The following KIF11 variants were observed in gnomAD, a reference collection of about 807,000 sequenced individuals.
KIF11 encodes the protein kinesin family member 11.
In KIF11, 9 loss-of-function variants were observed where a neutral mutation model predicts 121.0. That is an observed-to-expected ratio of 0.07 (90% CI 0.04 to 0.13). KIF11 has a LOEUF of 0.13. KIF11 is among the 10% of genes least tolerant of loss of function. The pLI is 1.00. For missense variants in KIF11, 846 were observed against 1,217.5 expected (o/e 0.69, Z 4.54); for synonymous variants, 408 against 421.0 (o/e 0.97, Z 0.38).
At chr10:92,646,806 G>A (rs368856453) in intron 18 of KIF11, among the ~76,000 whole-genome samples, 13 of 152,116 alleles carry the variant, frequency 8.5e-5, no homozygotes, top group East Asian at 7.7e-4. Flanking sequence ...GGGTAAAGAA[G>A]AAGAAAAAAT....
chr10:92,595,745 A>G (rs1328008409), intron 1 of KIF11, among the ~76,000 whole-genome samples: 1 of 152,076 alleles, frequency 6.6e-6, no homozygotes, highest in Non-Finnish European at 1.5e-5. Flanking sequence ...TCCCTCTCCC[A>G]TCAACCCGAC....
At chr10:92,652,836 C>T (rs112134712) in intron 21 of KIF11, among the ~76,000 whole-genome samples, 1 of 152,172 alleles carries the variant, frequency 6.6e-6, no homozygotes, top group Non-Finnish European at 1.5e-5. Flanking sequence ...TTTAGACCTT[C>T]AGCTGAAGTC....
At chr10:92,637,612 A>G in intron 16 of KIF11, 67 bp downstream of exon 16, 1 of 1,451,414 alleles carries the variant, frequency 6.9e-7, no homozygotes, top group Non-Finnish European at 9.4e-7. Context: ...ATGACTTGAT[A>G]ATTAATCTAT....
intron 10 of KIF11, among the ~76,000 whole-genome samples, chr10:92,626,721 C>T (rs923734942): frequency 2.0e-5 from 3 of 152,010 alleles, no homozygotes; most frequent in Non-Finnish European, 2.9e-5. Context: ...CAAATAATCC[C>T]GTTTTACATA....
intron 1 of KIF11, among the ~76,000 whole-genome samples, chr10:92,595,020 ATATT>A (rs1844278486): frequency 6.6e-6 from 1 of 152,146 alleles, no homozygotes; most frequent in African/African-American, 2.4e-5. Context: ...AGAGAAATAA[ATATT>A]TATTTTATTT....
chr10:92,633,070 T>TG (rs5787006), intron 13 of KIF11, among the ~76,000 whole-genome samples: 5,658 of 151,730 alleles, frequency 0.037, 160 homozygotes, highest in Admixed American at 0.063. Flanking sequence ...CAACTTTTTT[T>TG]GGGGGGGGCA....
rs1844516527 is a variant in KIF11 at position 92,613,294 on chromosome 10, T to C, written c.790-83T>C. 9.1e-7 allele frequency: 1 copy of C among 1,104,884 alleles called. No homozygotes were observed. The highest frequency in any genetic ancestry group is 1.6e-5 in the African/African-American group (1 of 62,792). The allele number at this position is 1,104,884 out of a possible 1,614,324, so 68.4% of individuals were successfully genotyped here. ...AAAAATTATTTTGCTGGCGATTTAA[T>C]ACATTATGTATCCTGTGAGAATGAA... is the stretch of plus-strand genomic sequence containing the variant. On this transcript the variant is annotated intron_variant, in intron 7 of 21. Coordinates refer to ENST00000260731, the MANE Select transcript of KIF11 (RefSeq NM_004523.4). The surrounding 1 kb of genome is among the most constrained non-coding windows in gnomAD (Gnocchi z 4.2).
intron 10 of KIF11, among the ~76,000 whole-genome samples, chr10:92,623,084 C>T (rs1338109783): frequency 1.3e-5 from 2 of 152,176 alleles, no homozygotes; most frequent in Non-Finnish European, 2.9e-5. Flanking sequence ...AGAACCAGAC[C>T]ATATCAAGAT....
intron 21 of KIF11, among the ~76,000 whole-genome samples, chr10:92,651,548 T>TTTTTTTTA (rs1844984273): frequency 8.5e-6 from 1 of 117,108 alleles, no homozygotes; most frequent in African/African-American, 3.5e-5. Context: ...TTTTTTTTTT[T>TTTTTTTTA]AGTAGAGGGG....
At position 92,613,579 on chromosome 10, in the gene KIF11, C is replaced by T. The variant is rs1193085293; in HGVS notation, c.992C>T (p.Ser331Phe). The change falls in exon 8 of 22, where the codon TCT (serine) becomes TTT (phenylalanine). Residue 331 changes from serine to phenylalanine, a missense_variant. By Grantham distance (155) the Ser-to-Phe change is radical. Transcript: ENST00000260731. This position sits in a 1 kb window ranked among gnomAD's most constrained non-coding sequence, Gnocchi z 4.2. ...TCTCTTGGAGGGCGTACAAGAACAT[C>T]TATAATTGCAACAATTTCTCCTGCA... is the stretch of plus-strand genomic sequence containing the variant. ...QDSLGGRTRT[S>F]IIATISPASL... is the part of the protein sequence containing the mutation. 1 of 1,613,336 alleles carries T rather than the reference C, an allele frequency of 6.2e-7. No homozygotes were observed. Among genetic ancestry groups the T allele is most frequent in the Middle Eastern group, 1.7e-4 (1 of 6,052 alleles).
At chr10:92,629,550 T>C (rs1844714301) in intron 11 of KIF11, among the ~76,000 whole-genome samples, 1 of 152,164 alleles carries the variant, frequency 6.6e-6, no homozygotes, top group Non-Finnish European at 1.5e-5. Context: ...AAAAGTAATA[T>C]AACTAGGGTA....
chr10:92,631,926 A>T (rs1844743166), intron 12 of KIF11, among the ~76,000 whole-genome samples: 1 of 151,794 alleles, frequency 6.6e-6, no homozygotes, highest in Non-Finnish European at 1.5e-5. Context: ...CCACCTGCCT[A>T]GGCCTCCCAG....
At chr10:92,645,031 C>T (rs1054332186) in intron 17 of KIF11, among the ~76,000 whole-genome samples, 2 of 152,120 alleles carry the variant, frequency 1.3e-5, no homozygotes, top group African/African-American at 2.4e-5. Flanking sequence ...AGGGACTAGA[C>T]AAGAGGCTGT....
At chr10:92,630,582 A>T (rs1238047703) in intron 12 of KIF11, among the ~76,000 whole-genome samples, 1 of 152,182 alleles carries the variant, frequency 6.6e-6, no homozygotes, top group Non-Finnish European at 1.5e-5. Context: ...ATAGAACATA[A>T]CTTAGCTGGG....
intron 12 of KIF11, 47 bp from the exon 13 acceptor site, chr10:92,632,439 C>G: frequency 1.7e-6 from 2 of 1,192,938 alleles, no homozygotes; most frequent in Non-Finnish European, 2.5e-6. Flanking sequence ...TCATCAGATT[C>G]CTTTCACCGT....
chr10:92,599,648 G>GTTTTC (rs1554858703), intron 1 of KIF11, among the ~76,000 whole-genome samples: 17,462 of 147,354 alleles, frequency 0.12, 2,804 homozygotes, highest in African/African-American at 0.36. Flanking sequence ...TAATTTTAGA[G>GTTTTC]TTTTCTTTTC....
At chr10:92,606,985 C>A (rs572431310) in intron 3 of KIF11, among the ~76,000 whole-genome samples, 174 bp from the exon 4 acceptor site, 1 of 152,270 alleles carries the variant, frequency 6.6e-6, no homozygotes, top group East Asian at 1.9e-4. Flanking sequence ...CTGTGTTGGC[C>A]AGGCTGGTCT....
intron 10 of KIF11, among the ~76,000 whole-genome samples, chr10:92,624,650 G>A (rs146705583): frequency 2.0e-5 from 3 of 152,260 alleles, no homozygotes; most frequent in Non-Finnish European, 4.4e-5. Flanking sequence ...CTTTGCTGCT[G>A]TGAATAGTGC....
rs1291104875 is a variant in KIF11, at chr10:92,618,068, T to C, written c.1128+1236T>C. On this transcript the variant is annotated intron_variant, in intron 9 of 21. Coordinates refer to ENST00000260731, the MANE Select transcript of KIF11 (RefSeq NM_004523.4). ...ATGGTTTTAATTAGCATTTCCCTAA[T>C]GACTAATGATGTTGAACATCTTTTC... Among the ~76,000 whole-genome samples, 2 of 152,174 alleles carry C rather than the reference T, an allele frequency of 1.3e-5. 1 individual carries two copies. The highest frequency in any genetic ancestry group is 2.9e-5 in the Non-Finnish European group (2 of 68,034).
Sources: gnomAD v4.1 joint callset for allele counts (sites outside exome capture counted in the v4.1 genomes callset) on GRCh38, gnomAD v4.1.1 for gene constraint, Gnocchi (gnomAD v3.1) non-coding constraint, MANE v1.5 for transcripts, NCBI Gene and HGNC (gene_info 2026-07-23, HGNC 2026-07-21) for gene names.